Variants in MMP13 observed in about 807,000 individuals in gnomAD.
The protein encoded by MMP13 is matrix metallopeptidase 13.
In MMP13, 45 loss-of-function variants were observed where a neutral mutation model predicts 52.1. That is an observed-to-expected ratio of 0.86 (90% CI 0.68 to 1.11). The LOEUF is 1.11. MMP13 is among the 50% of genes least tolerant of loss of function. MMP13 has a pLI of 0.00. For missense variants in MMP13, 576 were observed against 583.8 expected (o/e 0.99, Z 0.14); for synonymous variants, 200 against 204.4 (o/e 0.98, Z 0.18).
At chr11:102,950,758 C>T (rs553920487) in intron 5 of MMP13, among the ~76,000 whole-genome samples, 1 of 152,274 alleles carries the variant, frequency 6.6e-6, no homozygotes, top group Admixed American at 6.5e-5. Context: ...TGGTAAATTT[C>T]CAACCGTCTC....
rs1860577683 is a variant in MMP13 at position 102,949,766 on chromosome 11, T to C, written c.917+344A>G. On this transcript the variant is annotated intron_variant, in intron 6 of 9. Coordinates refer to ENST00000260302, the MANE Select transcript of MMP13 (RefSeq NM_002427.4). The surrounding 1 kb of genome is among the most constrained non-coding windows in gnomAD (Gnocchi z 4.2). The stretch of plus-strand genomic sequence containing the variant: ...CAAAGTCTTTCCATACCAAAACGAA[T>C]CCGTGTGGGCCTAACGAGTAACCAT... Among the ~76,000 whole-genome samples the C allele has an allele frequency of 6.6e-6, 1 of 152,154 alleles. No homozygotes were observed.
intron 4 of MMP13, 137 bp downstream of exon 4, chr11:102,954,015 AATAC>A: frequency 1.1e-6 from 1 of 916,908 alleles, no homozygotes; most frequent in East Asian, 2.7e-5. Flanking sequence ...TAGAGACACT[AATAC>A]ATCTAAGATA....
At chr11:102,953,167 T>G (rs1296895652) in intron 4 of MMP13, among the ~76,000 whole-genome samples, 1 of 152,186 alleles carries the variant, frequency 6.6e-6, no homozygotes, top group Non-Finnish European at 1.5e-5. Context: ...GTGGATGTTT[T>G]TATTCACTTC....
At position 102,952,802 on chromosome 11, in the gene MMP13, A is replaced by G. The variant is rs1333390102; in HGVS notation, c.638-629T>C. Among the ~76,000 whole-genome samples, 1 of 152,292 alleles carries G rather than the reference A, an allele frequency of 6.6e-6. No individual in the cohort carries two copies. The highest frequency in any genetic ancestry group is 1.9e-4 in the East Asian group (1 of 5,184). ...AGAAGACTACTATGTCACTGTATTT[A>G]CATTGTTCCCTCTAAGCATTCTGTC... On this transcript the variant is annotated intron_variant, in intron 4 of 9. Transcript: ENST00000260302. The surrounding 1 kb of genome is among the most constrained non-coding windows in gnomAD (Gnocchi z 4.3).
chr11:102,954,286 A>G lies in MMP13; in HGVS notation c.512-5T>C. 1 of 1,613,696 alleles carries G rather than the reference A, an allele frequency of 6.2e-7. No individual in the cohort carries two copies. The highest frequency in any genetic ancestry group is 8.5e-7 in the Non-Finnish European group (1 of 1,179,730). ...ATGGGTAGAAGTCGCCATGCTCTAC[A>G]CACAAAAGCAAGGGTTAGGAGTCTT... On this transcript the variant is annotated splice_region_variant and splice_polypyrimidine_tract_variant and intron_variant, in intron 3 of 9. Coordinates refer to ENST00000260302, the MANE Select transcript of MMP13 (RefSeq NM_002427.4).
chr11:102,950,326 G>A, intron 5 of MMP13, 99 bp from the exon 6 acceptor site: 2 of 979,728 alleles, frequency 2.0e-6, no homozygotes, highest in Non-Finnish European at 3.3e-6. Flanking sequence ...CAGTGGGAGA[G>A]GGTTTCTCCA....
chr11:102,943,929 T>C lies in MMP13; in HGVS notation c.*337A>G. 1 of 273,050 alleles carries C rather than the reference T, an allele frequency of 3.7e-6. No individual in the cohort carries two copies. Among genetic ancestry groups the C allele is most frequent in the East Asian group, 8.2e-5 (1 of 12,142 alleles). The allele number at this position is 273,050 out of a possible 1,614,324, so 16.9% of individuals were successfully genotyped here. On this transcript the variant is annotated 3_prime_UTR_variant, in exon 10 of 10. Coordinates refer to ENST00000260302, the MANE Select transcript of MMP13 (RefSeq NM_002427.4). ...ATATGCATGTATTTACTTTATGCCC[T>C]TGTAAAATTTCCTTATAAATATATT... is the stretch of plus-strand genomic sequence containing the variant.
rs886569117 is a variant in MMP13, at chr11:102,955,325, C to T, written c.289G>A (p.Gly97Arg). 21 of 1,613,834 alleles carry T rather than the reference C, an allele frequency of 1.3e-5. No homozygotes were observed. Among genetic ancestry groups the T allele is most frequent in the Non-Finnish European group, 1.8e-5 (21 of 1,179,932 alleles). Residue 97 changes from glycine to arginine, a missense_variant, in exon 2 of 10, where the codon GGG becomes AGG. Coordinates refer to ENST00000260302, the MANE Select transcript of MMP13 (RefSeq NM_002427.4). This position sits in a 1 kb window ranked among gnomAD's most constrained non-coding sequence, Gnocchi z 4.9. ...TLDVMKKPRC[G>R]VPDVGEYNVF... is the part of the protein sequence containing the mutation. ...TTGTATTCACCCACATCAGGAACCC[C>T]GCATCTTGGCTTTTTCATGACATCT... is the stretch of plus-strand genomic sequence containing the variant.
In MMP13 at chr11:102,943,370, C is replaced by A. The variant is rs1228603230; in HGVS notation, c.*896G>T. ...AGTCTTTAGAAAATAGCCTATATAT[C>A]CAAGACAAACTGGACAATTAAATAA... On this transcript the variant is annotated 3_prime_UTR_variant, in exon 10 of 10. Coordinates refer to ENST00000260302, the MANE Select transcript of MMP13 (RefSeq NM_002427.4). 1 of 152,000 alleles carries A rather than the reference C, an allele frequency of 6.6e-6. No individual in the cohort carries two copies. Among genetic ancestry groups the A allele is most frequent in the Non-Finnish European group, 1.5e-5 (1 of 68,002 alleles). 9.4% of individuals were successfully genotyped at this position (152,000 alleles called of 1,614,324 possible). A position where few individuals can be genotyped will look rare whatever the true frequency, so the allele number is the denominator to read the frequency against.
Position 102,943,423 on chromosome 11 carries a change from C to T in MMP13, c.*843G>A, listed in dbSNP as rs1421885970. 6.6e-6 allele frequency: 1 copy of T among 152,072 alleles called. No individual in the cohort carries two copies. Among genetic ancestry groups the T allele is most frequent in the Admixed American group, 6.6e-5 (1 of 15,266 alleles). 9.4% of individuals were successfully genotyped at this position (152,072 alleles called of 1,614,324 possible). On this transcript the variant is annotated 3_prime_UTR_variant, in exon 10 of 10. Coordinates refer to ENST00000260302, the MANE Select transcript of MMP13 (RefSeq NM_002427.4). ...AGCTAGGTAAAATAGGGTTAAAATGCAACTTTTAGTCTTAAATAATCAAAT... is the reference window on the plus strand; with the variant it reads ...AGCTAGGTAAAATAGGGTTAAAATGTAACTTTTAGTCTTAAATAATCAAAT...
chr11:102,945,814 A>G (rs782792053), intron 8 of MMP13, 65 bp from the exon 9 acceptor site: 1 of 812,764 alleles, frequency 1.2e-6, no homozygotes, highest in Non-Finnish European at 2.1e-6. Flanking sequence ...GAAATAATAC[A>G]ATAGATACAA....
chr11:102,945,506 T>C, intron 9 of MMP13, 140 bp downstream of exon 9: 1 of 672,660 alleles, frequency 1.5e-6, no homozygotes, highest in Non-Finnish European at 2.5e-6. Context: ...TTGTAGGTAG[T>C]CACACAGGAA....
intron 7 of MMP13, 142 bp from the exon 8 acceptor site, chr11:102,948,192 G>T: frequency 1.4e-6 from 1 of 704,118 alleles, no homozygotes; most frequent in Non-Finnish European, 2.3e-6. Context: ...TCATGTTTAT[G>T]AAACATAAAA....
Position 102,944,211 on chromosome 11 carries a change from G to C in MMP13, c.*55C>G, listed in dbSNP as rs1308732652. On this transcript the variant is annotated 3_prime_UTR_variant, in exon 10 of 10. Coordinates refer to ENST00000260302, the MANE Select transcript of MMP13 (RefSeq NM_002427.4). The stretch of plus-strand genomic sequence containing the variant: ...CTTCTTCCCCTACCCCGCACTTCTG[G>C]AAGTATTACCCCAAATGCTCTTCAG... 1 of 1,353,202 alleles carries C rather than the reference G, an allele frequency of 7.4e-7. No homozygotes were observed. Among genetic ancestry groups the C allele is most frequent in the African/African-American group, 1.4e-5 (1 of 69,662 alleles). 83.8% of individuals were successfully genotyped at this position (1,353,202 alleles called of 1,614,324 possible).
At chr11:102,945,557 AGG>A in intron 9 of MMP13, 87 bp downstream of exon 9, 2 of 837,400 alleles carry the variant, frequency 2.4e-6, no homozygotes, top group Non-Finnish European at 4.1e-6. Flanking sequence ...TAACACATCT[AGG>A]TCCTATATAA....
At chr11:102,954,381 G>T (rs1398866297) in intron 3 of MMP13, 77 bp downstream of exon 3, 2 of 1,592,828 alleles carry the variant, frequency 1.3e-6, no homozygotes, top group Non-Finnish European at 1.7e-6. Context: ...AGTAATGAAT[G>T]ACTGAAATAA....
chr11:102,954,045 AAT>A, intron 4 of MMP13, 109 bp downstream of exon 4: 1 of 1,248,424 alleles, frequency 8.0e-7, no homozygotes, highest in Non-Finnish European at 1.1e-6. Context: ...TATTTAAGAA[AAT>A]ATAGTCAAAT....
At chr11:102,951,693 T>A (rs1555017348) in intron 5 of MMP13, among the ~76,000 whole-genome samples, 1 of 152,116 alleles carries the variant, frequency 6.6e-6, no homozygotes, top group African/African-American at 2.4e-5. Flanking sequence ...AGCGTGTACT[T>A]ACACAAACCT....
Position 102,950,187 on chromosome 11 carries a change from C to A in MMP13, c.840G>T (p.Thr280=), listed in dbSNP as rs782436272. Residue 280 remains threonine (T), a synonymous_variant, in exon 6 of 10, where the codon ACG becomes ACT. Coordinates refer to ENST00000260302, the MANE Select transcript of MMP13 (RefSeq NM_002427.4). Reference sequence around the variant, plus strand: ...ATAAGGAAGGGTCACATTTGTCTGGCGTTTTTGGATGTTTAGGGTTGGGGT... The same window carrying A: ...ATAAGGAAGGGTCACATTTGTCTGGAGTTTTTGGATGTTTAGGGTTGGGGT... The part of the protein sequence containing the change: ...DEDPNPKHPK[T]PDKCDPSLSL... 2.5e-6 allele frequency: 4 copies of A among 1,613,772 alleles called. No homozygotes were observed. The highest frequency in any genetic ancestry group is 2.2e-5 in the South Asian group (2 of 91,078).
Sources: allele counts gnomAD v4.1 joint callset (sites outside exome capture counted in the v4.1 genomes callset), GRCh38; gene constraint gnomAD v4.1.1; non-coding constraint Gnocchi (gnomAD v3.1); transcripts MANE v1.5; gene names NCBI Gene and HGNC (gene_info 2026-07-23, HGNC 2026-07-21).